MAL2: variants seen among roughly 807,000 people sequenced by gnomAD.
MAL2 encodes the protein protein MAL2.
Under a neutral mutation model 18.1 loss-of-function variants are expected in MAL2, and 17 were observed. The ratio of observed to expected loss-of-function variants is 0.94; its 90% confidence interval spans 0.64 to 1.41. The LOEUF is 1.41. MAL2 is among the 40% of genes most tolerant of loss of function. The pLI is 0.00. For synonymous variants in MAL2, 102 were observed against 102.3 expected, an observed-to-expected ratio of 1.00 and a Z score of 0.02; for missense variants, 222 against 231.9, an observed-to-expected ratio of 0.96 and a Z score of 0.28.
rs1468643676 is a variant in MAL2, at chr8:119,232,098, A to G, written c.304-8067A>G. On this transcript the variant is annotated intron_variant, in intron 2 of 3. Transcript: ENST00000614891. ...AAAAAAGATAATTTTGGGAGGTTTT[A>G]TATATTTTTTTATATATTTATGTAT... Among the ~76,000 whole-genome samples the G allele has an allele frequency of 2.0e-5, 3 of 148,146 alleles. No individual in the cohort carries two copies. The South Asian group carries it at 6.3e-4, about 31-fold the overall frequency.
intron 1 of MAL2, among the ~76,000 whole-genome samples, chr8:119,210,976 C>T (rs1817259378): frequency 6.6e-6 from 1 of 152,132 alleles, no homozygotes; most frequent in African/African-American, 2.4e-5. Context: ...CAAACTATAG[C>T]TCCTCGGCTC....
chr8:119,208,635 C>A lies in MAL2; in HGVS notation c.132+31C>A. 1.6e-6 allele frequency: 2 copies of A among 1,284,752 alleles called. No homozygotes were observed. Among genetic ancestry groups the A allele is most frequent in the South Asian group, 5.1e-5 (2 of 38,922 alleles). 79.6% of individuals were successfully genotyped at this position (1,284,752 alleles called of 1,614,324 possible). ...TGGGGCCGCCGGAGCGAGGGTCGCG[C>A]GGGGAGCGAGGACAGGCGGCGGCAT... On this transcript the variant is annotated intron_variant, in intron 1 of 3. Coordinates refer to ENST00000614891, the MANE Select transcript of MAL2 (RefSeq NM_052886.3). The surrounding 1 kb of genome is among the most constrained non-coding windows in gnomAD (Gnocchi z 4.3).
intron 2 of MAL2, among the ~76,000 whole-genome samples, chr8:119,237,767 T>C (rs1329059835): frequency 7.3e-5 from 11 of 151,546 alleles, no homozygotes; most frequent in Non-Finnish European, 1.5e-5. Flanking sequence ...CTCAAGAAAT[T>C]AGGTACTGAT....
chr8:119,245,027 T>C lies in MAL2; in HGVS notation c.*1539T>C, dbSNP rs1272667511. 1 of 152,578 alleles carries C rather than the reference T, an allele frequency of 6.6e-6. No individual in the cohort carries two copies. Among genetic ancestry groups the C allele is most frequent in the East Asian group, 1.9e-4 (1 of 5,184 alleles). 9.5% of individuals were successfully genotyped at this position (152,578 alleles called of 1,614,324 possible). The stretch of plus-strand genomic sequence containing the variant: ...AACCATGAATGAGTGGCATGATCCG[T>C]GCTTAATGATCAAGTGTTACTTATC... On this transcript the variant is annotated 3_prime_UTR_variant, in exon 4 of 4. Transcript: ENST00000614891.
intron 1 of MAL2, among the ~76,000 whole-genome samples, chr8:119,218,377 T>C (rs1271924324): frequency 1.3e-5 from 2 of 152,130 alleles, no homozygotes; most frequent in Non-Finnish European, 2.9e-5. Flanking sequence ...GAACGGTTAG[T>C]CTATACTATT....
At chr8:119,218,555 G>T (rs565151627) in intron 1 of MAL2, among the ~76,000 whole-genome samples, 1 of 151,930 alleles carries the variant, frequency 6.6e-6, no homozygotes, top group African/African-American at 2.4e-5. Context: ...AGCACCCACC[G>T]CAATCTGCTC....
rs1371867993 is a variant in MAL2 at position 119,236,677 on chromosome 8, T to C, written c.304-3488T>C. Among the ~76,000 whole-genome samples the C allele has an allele frequency of 7.3e-5, 11 of 150,988 alleles. No homozygotes were observed. The South Asian group carries it at 2.3e-3, about 32-fold the overall frequency. ...TCAACTACATGGAAACTGAACAACC[T>C]GCTCCTGAATGACTACTGGGTACAT... On this transcript the variant is annotated intron_variant, in intron 2 of 3. Coordinates refer to ENST00000614891, the MANE Select transcript of MAL2 (RefSeq NM_052886.3).
intron 2 of MAL2, among the ~76,000 whole-genome samples, chr8:119,236,657 T>G (rs1464097847): frequency 6.6e-6 from 1 of 151,104 alleles, no homozygotes; most frequent in Non-Finnish European, 1.5e-5. Flanking sequence ...ACCGCTCAAC[T>G]ACATGGAAAC....
intron 1 of MAL2, among the ~76,000 whole-genome samples, chr8:119,212,366 G>A (rs1817280790): frequency 6.6e-6 from 1 of 152,146 alleles, no homozygotes; most frequent in Non-Finnish European, 1.5e-5. Context: ...CTTTGTGGGA[G>A]ATACTCTAGG....
chr8:119,210,931 C>T (rs770054702), intron 1 of MAL2, among the ~76,000 whole-genome samples: 13 of 152,100 alleles, frequency 8.5e-5, no homozygotes, highest in Non-Finnish European at 1.6e-4. Flanking sequence ...AAACTGGTGA[C>T]GTTAGAGAAA....
chr8:119,210,219 T>C (rs1817249066), intron 1 of MAL2, among the ~76,000 whole-genome samples: 1 of 152,198 alleles, frequency 6.6e-6, no homozygotes, highest in Non-Finnish European at 1.5e-5. Context: ...AATATATGTA[T>C]GTATGTATGT....
chr8:119,226,113 C>A (rs1817590689), intron 2 of MAL2, among the ~76,000 whole-genome samples: 1 of 152,126 alleles, frequency 6.6e-6, no homozygotes, highest in African/African-American at 2.4e-5. Flanking sequence ...ATGGTAGTTT[C>A]TTTTGCTGTG....
rs192163102 is a variant in MAL2 at position 119,226,398 on chromosome 8, C to G, written c.303+4641C>G. Reference sequence around the variant, plus strand: ...CAGAACCATTTATTCAATAGGGAATCCTTTCCCCCCCTTTTTTTTTTTAAC... The same window carrying G: ...CAGAACCATTTATTCAATAGGGAATGCTTTCCCCCCCTTTTTTTTTTTAAC... On this transcript the variant is annotated intron_variant, in intron 2 of 3. Transcript: ENST00000614891. 2.8e-3 allele frequency among the ~76,000 whole-genome samples: 426 copies of G among 150,674 alleles called. 1 individual carries two copies. The highest frequency in any genetic ancestry group is 9.8e-3 in the African/African-American group (401 of 41,014).
chr8:119,241,806 GGTTTT>G (rs1335498241), intron 3 of MAL2, among the ~76,000 whole-genome samples: 1 of 152,008 alleles, frequency 6.6e-6, no homozygotes, highest in Admixed American at 6.6e-5. Context: ...AAGAAATAAA[GGTTTT>G]ATTTAATCAA....
chr8:119,232,176 TATAA>T lies in MAL2; in HGVS notation c.304-7985_304-7982del, dbSNP rs562183166. ...CACAATGTATAAATATTCCACAATG[TATAA>T]ATATTTAAAAACATGTACACGATAA... On this transcript the variant is annotated intron_variant, in intron 2 of 3. Coordinates refer to ENST00000614891, the MANE Select transcript of MAL2 (RefSeq NM_052886.3). Among the ~76,000 whole-genome samples, 6 of 152,222 alleles carry T rather than the reference TATAA, an allele frequency of 3.9e-5. No homozygotes were observed. The South Asian group carries it at 6.2e-4, about 16-fold the overall frequency.
chr8:119,236,715 G>A (rs978032592), intron 2 of MAL2, among the ~76,000 whole-genome samples: 2 of 150,510 alleles, frequency 1.3e-5, no homozygotes, highest in Admixed American at 6.6e-5. Flanking sequence ...CGAAATGAAG[G>A]CAGAAATAAA....
chr8:119,209,922 T>A (rs1409247401), intron 1 of MAL2, among the ~76,000 whole-genome samples: 1 of 151,990 alleles, frequency 6.6e-6, no homozygotes, highest in African/African-American at 2.4e-5. Context: ...GACGATGGCA[T>A]TGGGCTGGCT....
chr8:119,219,707 T>C (rs999163509), intron 1 of MAL2, among the ~76,000 whole-genome samples: 1 of 151,834 alleles, frequency 6.6e-6, no homozygotes, highest in Non-Finnish European at 1.5e-5. Flanking sequence ...GATTAATAAA[T>C]GGCTTGGGAT....
chr8:119,218,948 G>T (rs1159264986), intron 1 of MAL2, among the ~76,000 whole-genome samples: 2 of 152,146 alleles, frequency 1.3e-5, no homozygotes, highest in African/African-American at 2.4e-5. Context: ...GTTATTCTTT[G>T]TGGGAGAGTA....
Sources: allele counts gnomAD v4.1 joint callset (sites outside exome capture counted in the v4.1 genomes callset), GRCh38; gene constraint gnomAD v4.1.1; non-coding constraint Gnocchi (gnomAD v3.1); transcripts MANE v1.5; gene names NCBI Gene and HGNC (gene_info 2026-07-23, HGNC 2026-07-21).